Variants in QSER1 observed in about 807,000 individuals in gnomAD.
QSER1 encodes the protein glutamine and serine rich 1.
A neutral mutation model predicts 158.5 loss-of-function variants in QSER1; 49 were observed. That is an observed-to-expected ratio of 0.31 (90% CI 0.25 to 0.39). The LOEUF is 0.39. Among genes scored for constraint, QSER1 ranks in the 10% least tolerant of loss-of-function variants. The pLI is 1.00. For missense variants in QSER1, 1,754 were observed against 2,010.3 expected (o/e 0.87, Z 2.44); for synonymous variants, 650 against 715.5 (o/e 0.91, Z 1.46).
Position 32,935,125 on chromosome 11 carries a change from G to A in QSER1, c.3867G>A (p.Gly1289=). 6.2e-7 allele frequency: 1 copy of A among 1,614,008 alleles called. No individual in the cohort carries two copies. Among genetic ancestry groups the A allele is most frequent in the Non-Finnish European group, 8.5e-7 (1 of 1,179,982 alleles). ...CTTTCTTAGATTTTCTGAAATCCGGGCCCAAGCAGCAGTTTTCCACTCTTG... is the reference window on the plus strand; with the variant it reads ...CTTTCTTAGATTTTCTGAAATCCGGACCCAAGCAGCAGTTTTCCACTCTTG... ...IASFLDFLKS[G]PKQQFSTLAV... Residue 1289 remains glycine (G), a synonymous_variant, in exon 4 of 13, where the codon GGG becomes GGA. Coordinates refer to ENST00000650167, the MANE Select transcript of QSER1 (RefSeq NM_001076786.3).
At chr11:32,910,919 G>A (rs1232202826) in intron 1 of QSER1, among the ~76,000 whole-genome samples, 1 of 152,174 alleles carries the variant, frequency 6.6e-6, no homozygotes, top group African/African-American at 2.4e-5. Context: ...CTGGTCCACA[G>A]AACTTTGTAG....
At position 32,932,775 on chromosome 11, in the gene QSER1, C is replaced by T. The variant is rs900523951; in HGVS notation, c.1517C>T (p.Thr506Ile). Residue 506 changes from threonine to isoleucine, a missense_variant, in exon 4 of 13, where the codon ACT becomes ATT. By Grantham distance (89) the Thr-to-Ile change is moderately conservative. Coordinates refer to ENST00000650167, the MANE Select transcript of QSER1 (RefSeq NM_001076786.3). Reference sequence around the variant, plus strand: ...TTGCCACCCTTGTATAAAACATTGACTTTTTCTGGGTCATCTCAGACTGTA... The same window carrying T: ...TTGCCACCCTTGTATAAAACATTGATTTTTTCTGGGTCATCTCAGACTGTA... Reference protein sequence around the residue: ...EKLPPLYKTLTFSGSSQTVTP... With the variant: ...EKLPPLYKTLIFSGSSQTVTP... 3.1e-6 allele frequency: 5 copies of T among 1,613,912 alleles called. No homozygotes were observed. The Admixed American group carries it at 5.0e-5, about 16-fold the overall frequency.
chr11:32,945,252 G>A (rs1166784874), intron 4 of QSER1, among the ~76,000 whole-genome samples: 1 of 150,460 alleles, frequency 6.6e-6, no homozygotes, highest in African/African-American at 2.5e-5. Flanking sequence ...AGTTAATAGT[G>A]TTATGTGTGA....
At position 32,966,325 on chromosome 11, in the gene QSER1, C is replaced by T. The variant is rs369852802; in HGVS notation, c.4995C>T (p.Val1665=). 1 of 1,613,908 alleles carries T rather than the reference C, an allele frequency of 6.2e-7. No homozygotes were observed. The highest frequency in any genetic ancestry group is 1.3e-5 in the African/African-American group (1 of 75,028). ...AATTTGAACCTCCCGCTCCCTTTGT[C>T]ACTCGCTTTTTGAACACAAGAGCAA... ...DEEFEPPAPF[V]TRFLNTRAMK... The change falls in exon 9 of 13, where the codon GTC becomes GTT. Residue 1665 remains valine, a synonymous_variant. Transcript: ENST00000650167.
In QSER1 at chr11:32,976,968, A is replaced by C. The variant is rs1852988764; in HGVS notation, c.*494A>C. 1 of 152,980 alleles carries C rather than the reference A, an allele frequency of 6.5e-6. No individual in the cohort carries two copies. The highest frequency in any genetic ancestry group is 2.4e-5 in the African/African-American group (1 of 41,454). The allele number at this position is 152,980 out of a possible 1,614,324, so 9.5% of individuals were successfully genotyped here. On this transcript the variant is annotated 3_prime_UTR_variant, in exon 13 of 13. Coordinates refer to ENST00000650167, the MANE Select transcript of QSER1 (RefSeq NM_001076786.3). ...GGTGTGGTGTGACATCCTGTATAAG[A>C]ATATCATCAATTTAAAATATAAAAT...
At chr11:32,939,833 G>A (rs1852203520) in intron 4 of QSER1, among the ~76,000 whole-genome samples, 1 of 152,020 alleles carries the variant, frequency 6.6e-6, no homozygotes, top group Admixed American at 6.6e-5. Context: ...ATTTGTGTGG[G>A]TCCATACATA....
intron 1 of QSER1, among the ~76,000 whole-genome samples, chr11:32,923,142 TAAC>T (rs1851919666): frequency 6.6e-6 from 1 of 152,180 alleles, no homozygotes; most frequent in African/African-American, 2.4e-5. Context: ...CTGATAGAAA[TAAC>T]AACATAGATG....
Position 32,940,925 on chromosome 11 carries a change from A to G in QSER1, c.4177+5490A>G, listed in dbSNP as rs571447617. On this transcript the variant is annotated intron_variant, in intron 4 of 12. Coordinates refer to ENST00000650167, the MANE Select transcript of QSER1 (RefSeq NM_001076786.3). ...CTTTTTTTTCTTAATGTCTGGTTTT[A>G]TCTTAATTCTTTTGCCCTTTATTCC... 4.2e-4 allele frequency among the ~76,000 whole-genome samples: 64 copies of G among 151,332 alleles called. 2 individuals carry two copies. In the South Asian group the frequency reaches 0.013, roughly 31 times the overall value.
chr11:32,954,112 G>T lies in QSER1; in HGVS notation c.4433G>T (p.Gly1478Val). The T allele has an allele frequency of 6.2e-7, 1 of 1,614,070 alleles. No homozygotes were observed. Among genetic ancestry groups the T allele is most frequent in the Non-Finnish European group, 8.5e-7 (1 of 1,180,008 alleles). ...ACAGATGAGGAGGACACAGAAAGCG[G>T]AGGAGAAGGCCAATACAGAGAGCGT... The part of the protein sequence containing the change: ...GFTDEEDTES[G>V]GEGQYRERDE... Residue 1478 changes from glycine (G) to valine (V), a missense_variant, in exon 5 of 13, where the codon GGA becomes GTA. Around this residue, in one of 2 missense-constraint regions of QSER1, gnomAD observed 1,707 missense variants for 1,919.6 expected, o/e 0.89. Transcript: ENST00000650167.
intron 1 of QSER1, among the ~76,000 whole-genome samples, chr11:32,908,930 C>T (rs1051482775): frequency 3.3e-5 from 5 of 152,110 alleles, no homozygotes; most frequent in South Asian, 2.1e-4. Flanking sequence ...GAGTTTGAGA[C>T]GGGCAGATCT....
At chr11:32,907,930 G>A (rs1275174364) in intron 1 of QSER1, among the ~76,000 whole-genome samples, 5 of 152,020 alleles carry the variant, frequency 3.3e-5, no homozygotes, top group Non-Finnish European at 4.4e-5. Context: ...GGAGACCCTC[G>A]TCTCTACAAA....
chr11:32,895,034 C>G (rs1286079828), intron 1 of QSER1, among the ~76,000 whole-genome samples: 2 of 152,126 alleles, frequency 1.3e-5, no homozygotes, highest in African/African-American at 4.8e-5. Context: ...GTAAATGGAA[C>G]TGAAATACTA....
intron 12 of QSER1, among the ~76,000 whole-genome samples, chr11:32,975,799 C>T (rs1378890456): frequency 1.3e-5 from 2 of 152,158 alleles, no homozygotes; most frequent in African/African-American, 4.8e-5. Context: ...TTAATTGTAG[C>T]TTTTAAGTTG....
At chr11:32,971,187 G>A (rs1414648415) in intron 10 of QSER1, among the ~76,000 whole-genome samples, 2 of 151,650 alleles carry the variant, frequency 1.3e-5, no homozygotes, top group African/African-American at 4.8e-5. Context: ...CAAAGTGCTG[G>A]GATTACAGGT....
intron 1 of QSER1, among the ~76,000 whole-genome samples, chr11:32,907,575 C>T (rs1851710596): frequency 1.3e-5 from 2 of 152,164 alleles, no homozygotes; most frequent in South Asian, 2.1e-4. Context: ...CATTTCGTAG[C>T]ACCCATACAT....
chr11:32,910,366 T>C (rs1018799461), intron 1 of QSER1, among the ~76,000 whole-genome samples: 1 of 152,212 alleles, frequency 6.6e-6, no homozygotes, highest in Non-Finnish European at 1.5e-5. Flanking sequence ...TGTAAGCTCT[T>C]CAAAGACTTA....
At chr11:32,920,541 T>A (rs577795389) in intron 1 of QSER1, among the ~76,000 whole-genome samples, 22 of 152,246 alleles carry the variant, frequency 1.4e-4, no homozygotes, top group African/African-American at 3.9e-4. Flanking sequence ...AAATAAAAAA[T>A]TTTTGTGCTG....
At chr11:32,968,338 C>A (rs1192097175) in intron 9 of QSER1, among the ~76,000 whole-genome samples, 3 of 151,922 alleles carry the variant, frequency 2.0e-5, no homozygotes, top group Non-Finnish European at 2.9e-5. Context: ...AAGTACTATG[C>A]TGGTAAATTA....
At chr11:32,912,885 C>G (rs1851785617) in intron 1 of QSER1, among the ~76,000 whole-genome samples, 1 of 152,128 alleles carries the variant, frequency 6.6e-6, no homozygotes, top group Admixed American at 6.5e-5. Flanking sequence ...TGCACTCCAG[C>G]CTGGGCAACA....
Sources: gnomAD v4.1 joint callset for allele counts (sites outside exome capture counted in the v4.1 genomes callset) on GRCh38, gnomAD v4.1.1 for gene constraint, gnomAD v4.1.1 regional missense constraint, MANE v1.5 for transcripts, NCBI Gene and HGNC (gene_info 2026-07-23, HGNC 2026-07-21) for gene names.